BLTP1: variants seen among roughly 807,000 people sequenced by gnomAD.
BLTP1 encodes fragile site-associated protein.
At chr4:122,224,391 T>A in the BLTP1 span, 1 of 1,167,516 alleles carries the variant, frequency 8.6e-7, no homozygotes. Context: ...ACCTTATAGA[T>A]GGCATGAGTT....
chr4:122,283,780 T>C, the BLTP1 span, among the ~76,000 whole-genome samples: 9 of 152,116 alleles, frequency 5.9e-5, no homozygotes, highest in African/African-American at 2.2e-4. Context: ...AAAGTGCTGG[T>C]ATTACAGGCA....
chr4:122,190,187 T>G, the BLTP1 span: 1 of 1,384,854 alleles, frequency 7.2e-7, no homozygotes, highest in Non-Finnish European at 9.7e-7. Context: ...CCCTTGACCT[T>G]CCAGGCTCAA....
chr4:122,168,018 C>G, the BLTP1 span: 1 of 417,810 alleles, frequency 2.4e-6, no homozygotes, highest in African/African-American at 2.2e-5. Flanking sequence ...GATTCTGTGT[C>G]TAGTGTTGCC....
At chr4:122,275,870 A>G in the BLTP1 span, 2 of 1,278,162 alleles carry the variant, frequency 1.6e-6, no homozygotes, top group Non-Finnish European at 2.0e-6. Flanking sequence ...GGGAAATTAG[A>G]AAAGCTTTCC....
the BLTP1 span, chr4:122,274,527 A>G: frequency 0.067 from 101,184 of 1,502,912 alleles, 3,702 homozygotes; most frequent in Middle Eastern, 0.078. Flanking sequence ...TGAGGTTTGT[A>G]TATACAATAT....
the BLTP1 span, among the ~76,000 whole-genome samples, chr4:122,257,781 A>G: frequency 2.0e-5 from 3 of 152,172 alleles, no homozygotes; most frequent in African/African-American, 7.2e-5. Flanking sequence ...TTAAGTATAC[A>G]CGTATGATTT....
At chr4:122,196,660 C>G in the BLTP1 span, 1 of 1,608,690 alleles carries the variant, frequency 6.2e-7, no homozygotes, top group Non-Finnish European at 8.5e-7. Flanking sequence ...GTTTTTCTTT[C>G]CACCTGACTA....
chr4:122,325,144 T>C, the BLTP1 span: 3 of 1,319,760 alleles, frequency 2.3e-6, no homozygotes, highest in African/African-American at 4.5e-5. Flanking sequence ...AAATAAAATG[T>C]CATTGCCATT....
the BLTP1 span, chr4:122,185,000 G>A: frequency 5.1e-6 from 5 of 984,510 alleles, no homozygotes; most frequent in Non-Finnish European, 6.0e-6. Flanking sequence ...GTATAGAAGA[G>A]GGGAAAAGCT....
the BLTP1 span, among the ~76,000 whole-genome samples, chr4:122,265,990 G>A: frequency 1.3e-5 from 2 of 152,276 alleles, no homozygotes; most frequent in East Asian, 1.9e-4. Flanking sequence ...CACCGTGCCC[G>A]GCCTAGATAG....
At chr4:122,185,279 A>G in the BLTP1 span, 46 of 981,162 alleles carry the variant, frequency 4.7e-5, no homozygotes, top group Non-Finnish European at 5.2e-5. Flanking sequence ...AAATGTTTGA[A>G]TTTGTTCAAT....
chr4:122,221,569 C>T, the BLTP1 span, among the ~76,000 whole-genome samples: 1 of 152,056 alleles, frequency 6.6e-6, no homozygotes, highest in South Asian at 2.1e-4. Context: ...TCTAGGTCTT[C>T]TTATCATGTG....
chr4:122,200,583 CAAAA>C, the BLTP1 span: 408 of 901,056 alleles, frequency 4.5e-4, 2 homozygotes, highest in African/African-American at 7.8e-3. Context: ...CGTCTCAAAA[CAAAA>C]AAAAAAAAAA....
chr4:122,334,586 A>C, the BLTP1 span: 5 of 1,588,116 alleles, frequency 3.1e-6, no homozygotes, highest in African/African-American at 1.4e-5. Flanking sequence ...TCATTTTAAA[A>C]ATTTTTAGTT....
chr4:122,206,953 A>G, the BLTP1 span: 4 of 185,420 alleles, frequency 2.2e-5, no homozygotes, highest in Non-Finnish European at 3.0e-5. Context: ...CAAATTATTT[A>G]AATACATCCT....
chr4:122,279,315 G>A, the BLTP1 span, among the ~76,000 whole-genome samples: 251 of 152,236 alleles, frequency 1.6e-3, no homozygotes, highest in African/African-American at 5.9e-3. Context: ...ATTGATACTT[G>A]GTTTGCCACT....
At chr4:122,276,751 A>T in the BLTP1 span, 1 of 962,076 alleles carries the variant, frequency 1.0e-6, no homozygotes, top group Non-Finnish European at 1.2e-6. Flanking sequence ...CCCTCTGGTG[A>T]TCATCTCTGA....
chr4:122,361,992 C>A, the BLTP1 span: 30 of 1,586,722 alleles, frequency 1.9e-5, no homozygotes, highest in Middle Eastern at 1.7e-4. Flanking sequence ...TGCTTTAGGG[C>A]ATTACACTCC....
chr4:122,170,841 C>A, the BLTP1 span: 129 of 662,710 alleles, frequency 1.9e-4, no homozygotes, highest in African/African-American at 2.2e-3. Context: ...GGAACACTAA[C>A]ACTACCATTT....
Sources: allele counts gnomAD v4.1 joint callset (sites outside exome capture counted in the v4.1 genomes callset), GRCh38; gene constraint gnomAD v4.1.1; transcripts MANE v1.5; gene names NCBI Gene and HGNC (gene_info 2026-07-23, HGNC 2026-07-21).